PPP3CC: variants seen among roughly 807,000 people sequenced by gnomAD.
PPP3CC encodes protein phosphatase 3 catalytic subunit gamma.
Under a neutral mutation model 60.3 loss-of-function variants are expected in PPP3CC, and 35 were observed. That is an observed-to-expected ratio of 0.58 (90% CI 0.44 to 0.77). PPP3CC has a LOEUF of 0.77. Among genes scored for constraint, PPP3CC ranks in the 30% least tolerant of loss-of-function variants. The probability of loss-of-function intolerance (pLI) is 0.00; values close to 1 mark genes in which losing one functional copy is unlikely to be tolerated. For synonymous variants in PPP3CC, 206 were observed against 224.3 expected (o/e 0.92, Z 0.73); for missense variants, 570 against 628.9 (o/e 0.91, Z 1.00).
At chr8:22,463,061 G>A (rs1184963889) in intron 1 of PPP3CC, among the ~76,000 whole-genome samples, 3 of 152,092 alleles carry the variant, frequency 2.0e-5, no homozygotes, top group Admixed American at 6.6e-5. Flanking sequence ...TTTTGCCAAG[G>A]ATAAGCATCT....
intron 1 of PPP3CC, among the ~76,000 whole-genome samples, chr8:22,443,936 C>A (rs1326487418): frequency 6.6e-6 from 1 of 152,150 alleles, no homozygotes; most frequent in African/African-American, 2.4e-5. Flanking sequence ...AGCTTGAAAG[C>A]TTTTTCAGAG....
chr8:22,450,135 C>T (rs1054378266), intron 1 of PPP3CC, among the ~76,000 whole-genome samples: 2 of 152,060 alleles, frequency 1.3e-5, no homozygotes, highest in Non-Finnish European at 2.9e-5. Flanking sequence ...TCCCAAAGTG[C>T]TGGGATTACA....
chr8:22,472,899 T>C (rs999885683), intron 1 of PPP3CC, among the ~76,000 whole-genome samples: 24 of 152,190 alleles, frequency 1.6e-4, no homozygotes, highest in African/African-American at 5.8e-4. Flanking sequence ...TCCTGCGATG[T>C]TATTGTGGCT....
At position 22,450,799 on chromosome 8, in the gene PPP3CC, TTTTATTTATTTATTTATTTATTTA is replaced by T. The variant is rs199665510; in HGVS notation, c.49+9372_49+9395del. Among the ~76,000 whole-genome samples the T allele has an allele frequency of 3.2e-4, 42 of 133,288 alleles. No homozygotes were observed. The South Asian group carries it at 5.1e-3, about 16-fold the overall frequency. The allele number at this position is 133,288 out of a possible 152,430, so 87.4% of individuals were successfully genotyped here. A position where few individuals can be genotyped will look rare whatever the true frequency, so the allele number is the denominator to read the frequency against. The stretch of plus-strand genomic sequence containing the variant: ...AACCCTCATCCCCAACCTACTTTAT[TTTTATTTATTTATTTATTTATTTA>T]TTTATTTATTTATTTATTTATTTAT... On this transcript the variant is annotated intron_variant, in intron 1 of 13. Coordinates refer to ENST00000240139, the MANE Select transcript of PPP3CC (RefSeq NM_005605.5).
intron 3 of PPP3CC, among the ~76,000 whole-genome samples, chr8:22,479,034 G>A (rs1837982901): frequency 6.6e-6 from 1 of 152,092 alleles, no homozygotes; most frequent in Non-Finnish European, 1.5e-5. Context: ...GATCTATCGA[G>A]TATTCATTGG....
chr8:22,533,163 T>A (rs969357273), intron 12 of PPP3CC, 145 bp downstream of exon 12: 1 of 536,212 alleles, frequency 1.9e-6, no homozygotes, highest in Non-Finnish European at 3.1e-6. Context: ...TCACCCCTAC[T>A]TCCCTCCATA....
At position 22,528,806 on chromosome 8, in the gene PPP3CC, A is replaced by G. The variant is rs112076440; in HGVS notation, c.1141+229A>G. Among the ~76,000 whole-genome samples the G allele has an allele frequency of 8.4e-3, 1,275 of 152,280 alleles. 16 individuals are homozygous for G. The highest frequency in any genetic ancestry group is 0.027 in the African/African-American group (1,119 of 41,562). On this transcript the variant is annotated intron_variant, in intron 10 of 13. Transcript: ENST00000240139. ...TAACATCTTAATGTATACTGTGTTA[A>G]TTGTCTTTTATCTTTGCACATAGCT...
At chr8:22,449,047 G>C (rs141566812) in intron 1 of PPP3CC, among the ~76,000 whole-genome samples, 77 of 152,084 alleles carry the variant, frequency 5.1e-4, no homozygotes, top group Non-Finnish European at 9.1e-4. Context: ...GAGTTCCAAG[G>C]CTTCAGTGAA....
intron 12 of PPP3CC, among the ~76,000 whole-genome samples, chr8:22,533,401 A>T (rs1839769122): frequency 1.3e-5 from 2 of 152,176 alleles, no homozygotes; most frequent in South Asian, 2.1e-4. Flanking sequence ...ATGGAAGAAA[A>T]TTTTTTGCAA....
At chr8:22,452,248 C>G (rs756392908) in intron 1 of PPP3CC, among the ~76,000 whole-genome samples, 2 of 152,008 alleles carry the variant, frequency 1.3e-5, no homozygotes, top group Non-Finnish European at 2.9e-5. Context: ...CTATGTTGCC[C>G]AGCCTGGTCT....
At chr8:22,529,744 C>G (rs1284067307) in intron 10 of PPP3CC, among the ~76,000 whole-genome samples, 1 of 152,170 alleles carries the variant, frequency 6.6e-6, no homozygotes, top group Non-Finnish European at 1.5e-5. Flanking sequence ...CTCGGTCTCC[C>G]AAAGAGCTGG....
At chr8:22,456,606 C>T (rs1283375325) in intron 1 of PPP3CC, among the ~76,000 whole-genome samples, 3 of 152,082 alleles carry the variant, frequency 2.0e-5, no homozygotes, top group African/African-American at 2.4e-5. Flanking sequence ...TCAGATTTCA[C>T]CAGTTATACA....
chr8:22,489,972 C>T (rs940470281), intron 3 of PPP3CC, among the ~76,000 whole-genome samples: 1 of 151,164 alleles, frequency 6.6e-6, no homozygotes, highest in Admixed American at 6.6e-5. Flanking sequence ...GAGGCGCATG[C>T]TACCACGCCC....
At chr8:22,489,701 T>TATAAGTATATATTATAG (rs1838332867) in intron 3 of PPP3CC, among the ~76,000 whole-genome samples, 1 of 142,226 alleles carries the variant, frequency 7.0e-6, no homozygotes, top group Non-Finnish European at 1.5e-5. Flanking sequence ...ATATATTATA[T>TATAAGTATATATTATAG]ATTATATATA....
At chr8:22,505,458 A>G (rs1202230085) in intron 4 of PPP3CC, among the ~76,000 whole-genome samples, 1 of 152,222 alleles carries the variant, frequency 6.6e-6, no homozygotes, top group Non-Finnish European at 1.5e-5. Context: ...ACTGTTTGTC[A>G]TTGCTCATTG....
chr8:22,524,334 G>T (rs1344041292), intron 8 of PPP3CC, among the ~76,000 whole-genome samples: 1 of 152,148 alleles, frequency 6.6e-6, no homozygotes, highest in Non-Finnish European at 1.5e-5. Context: ...ACCATGGAAT[G>T]GCACATCTCA....
chr8:22,540,595 T>C lies in PPP3CC; in HGVS notation c.1352-20T>C. 1 of 1,606,876 alleles carries C rather than the reference T, an allele frequency of 6.2e-7. No homozygotes were observed. On this transcript the variant is annotated intron_variant, in intron 13 of 13. Transcript: ENST00000240139. ...GCTGCCTAATTGAGCTCTCTCCACC[T>C]GCTTCCTGTTTTTCTGTAGCCATCA...
intron 12 of PPP3CC, among the ~76,000 whole-genome samples, chr8:22,538,450 T>C (rs915269006): frequency 1.3e-5 from 2 of 152,246 alleles, no homozygotes; most frequent in African/African-American, 4.8e-5. Flanking sequence ...ATTTCAGTTA[T>C]CCATTTTTCA....
At chr8:22,540,593 C>T (rs1839937123) in intron 13 of PPP3CC, 22 bp from the exon 14 acceptor site, 1 of 1,605,592 alleles carries the variant, frequency 6.2e-7, no homozygotes, top group Non-Finnish European at 8.5e-7. Flanking sequence ...GCTCTCTCCA[C>T]CTGCTTCCTG....
Sources: allele counts gnomAD v4.1 joint callset (sites outside exome capture counted in the v4.1 genomes callset), GRCh38; gene constraint gnomAD v4.1.1; transcripts MANE v1.5; gene names NCBI Gene and HGNC (gene_info 2026-07-23, HGNC 2026-07-21).